MEI4: variants seen among roughly 807,000 people sequenced by gnomAD.
The protein encoded by MEI4 is meiosis-specific protein MEI4.
A neutral mutation model predicts 31.4 loss-of-function variants in MEI4; 27 were observed. The ratio of observed to expected loss-of-function variants is 0.86; its 90% CI spans 0.63 to 1.19. MEI4 has a LOEUF of 1.19. Among genes scored for constraint, MEI4 ranks in the 50% most tolerant of loss-of-function variants. MEI4 has a pLI of 0.00. For missense variants in MEI4, 329 were observed against 398.9 expected, an observed-to-expected ratio of 0.82 and a Z score of 1.49; for synonymous variants, 122 against 145.4, an observed-to-expected ratio of 0.84 and a Z score of 1.16.
chr6:77,659,751 G>C (rs1364562602), intron 1 of MEI4, among the ~76,000 whole-genome samples: 2 of 152,050 alleles, frequency 1.3e-5, no homozygotes, highest in Non-Finnish European at 2.9e-5. Flanking sequence ...CTGTAATATG[G>C]AGCTGGAAGG....
At chr6:77,908,813 A>G (rs1014604426) in intron 4 of MEI4, among the ~76,000 whole-genome samples, 1 of 152,122 alleles carries the variant, frequency 6.6e-6, no homozygotes, top group Non-Finnish European at 1.5e-5. Flanking sequence ...TCCTAAATAT[A>G]TATGTACCCA....
chr6:77,705,447 T>G (rs1766311441), intron 2 of MEI4, among the ~76,000 whole-genome samples: 1 of 152,226 alleles, frequency 6.6e-6, no homozygotes, highest in African/African-American at 2.4e-5. Flanking sequence ...ATCACACATG[T>G]GGAACTATAA....
intron 4 of MEI4, among the ~76,000 whole-genome samples, chr6:77,903,058 G>C (rs1336513082): frequency 5.9e-5 from 9 of 151,878 alleles, no homozygotes; most frequent in Non-Finnish European, 8.8e-5. Flanking sequence ...GAGTCTTCAG[G>C]GTTTTCTATA....
chr6:77,712,915 G>C (rs913036195), intron 2 of MEI4, among the ~76,000 whole-genome samples: 6 of 151,436 alleles, frequency 4.0e-5, no homozygotes, highest in Non-Finnish European at 7.4e-5. Context: ...AGCTTGCAGT[G>C]AGCCGAGATA....
intron 3 of MEI4, among the ~76,000 whole-genome samples, chr6:77,790,954 G>C (rs1387526864): frequency 1.3e-5 from 2 of 152,138 alleles, no homozygotes; most frequent in African/African-American, 4.8e-5. Flanking sequence ...CTGGCCATCA[G>C]AGAAATGCAA....
At chr6:77,791,700 C>T (rs1768941326) in intron 3 of MEI4, among the ~76,000 whole-genome samples, 1 of 151,012 alleles carries the variant, frequency 6.6e-6, no homozygotes, top group Admixed American at 6.6e-5. Context: ...AAAGAAATAT[C>T]TGTACATTGT....
intron 2 of MEI4, among the ~76,000 whole-genome samples, chr6:77,707,524 G>C (rs1216569537): frequency 6.6e-6 from 1 of 152,180 alleles, no homozygotes; most frequent in East Asian, 1.9e-4. Flanking sequence ...TTCATGGGAG[G>C]AATTCAAGTG....
At chr6:77,910,754 A>G (rs1562035266) in intron 4 of MEI4, among the ~76,000 whole-genome samples, 1 of 152,122 alleles carries the variant, frequency 6.6e-6, no homozygotes, top group Admixed American at 6.6e-5. Flanking sequence ...CTTTTGAGAT[A>G]CTGATTTAAT....
At chr6:77,739,251 T>A (rs1383964409) in intron 2 of MEI4, among the ~76,000 whole-genome samples, 2 of 152,150 alleles carry the variant, frequency 1.3e-5, no homozygotes, top group Admixed American at 1.3e-4. Context: ...CTTGAGTTAA[T>A]TTTTTGTGTT....
rs902436496 is a variant in MEI4 at position 77,925,157 on chromosome 6, A to G, written c.*1811A>G. ...TTCCCTATTGCAGCCAGCCAACGTA[A>G]TGATCAGCTAAGAGACTTTTGGAGC... On this transcript the variant is annotated 3_prime_UTR_variant, in exon 5 of 5. Transcript: ENST00000684080. The G allele has an allele frequency of 6.6e-6, 1 of 151,880 alleles. No individual in the cohort carries two copies. The highest frequency in any genetic ancestry group is 2.4e-5 in the African/African-American group (1 of 41,402). 9.4% of individuals were successfully genotyped at this position (151,880 alleles called of 1,614,324 possible).
At chr6:77,838,140 G>T (rs907938591) in intron 4 of MEI4, among the ~76,000 whole-genome samples, 1 of 152,078 alleles carries the variant, frequency 6.6e-6, no homozygotes, top group Admixed American at 6.6e-5. Flanking sequence ...TTATAAAAAT[G>T]AATGTTGTTA....
chr6:77,692,189 C>A, intron 2 of MEI4, among the ~76,000 whole-genome samples: 1 of 152,018 alleles, frequency 6.6e-6, no homozygotes, highest in East Asian at 1.9e-4. Flanking sequence ...AGGCTGGTTT[C>A]TTCTCTTCCT....
At chr6:77,726,913 C>T (rs1432277398) in intron 2 of MEI4, among the ~76,000 whole-genome samples, 1 of 151,430 alleles carries the variant, frequency 6.6e-6, no homozygotes, top group African/African-American at 2.4e-5. Context: ...GAAATTGGTG[C>T]TTTAAATAAA....
chr6:77,656,868 A>T lies in MEI4; in HGVS notation c.-15+3776A>T, dbSNP rs527671995. Among the ~76,000 whole-genome samples, 184 of 152,334 alleles carry T rather than the reference A, an allele frequency of 1.2e-3. 1 individual carries two copies. Among genetic ancestry groups the T allele is most frequent in the Non-Finnish European group, 2.4e-3 (160 of 68,022 alleles). ...ATGATTACTAGATAGTATTTAAACCATGTAACAAATAGATTTTAAAAATTA... is the reference window on the plus strand; with the variant it reads ...ATGATTACTAGATAGTATTTAAACCTTGTAACAAATAGATTTTAAAAATTA... On this transcript the variant is annotated intron_variant, in intron 1 of 4. Coordinates refer to ENST00000684080, the MANE Select transcript of MEI4 (RefSeq NM_001322247.2).
rs114301396 is a variant in MEI4 at position 77,828,343 on chromosome 6, G to A, written c.769-588G>A. On this transcript the variant is annotated intron_variant, in intron 3 of 4. Transcript: ENST00000684080. ...CAGGGGAGCTAGCATTACCTCCTGA[G>A]CTTCCCCTCCTGTCAGATCAGTTGT... Among the ~76,000 whole-genome samples the A allele has an allele frequency of 3.2e-3, 492 of 151,518 alleles. 2 individuals carry two copies. The highest frequency in any genetic ancestry group is 0.012 in the African/African-American group (481 of 41,230).
At chr6:77,735,981 G>A (rs59215259) in intron 2 of MEI4, among the ~76,000 whole-genome samples, 8,660 of 152,068 alleles carry the variant, frequency 0.057, 732 homozygotes, top group African/African-American at 0.17. Context: ...TGAGGAGGCA[G>A]TCTGCCCGTT....
chr6:77,853,929 A>G (rs1770690878), intron 4 of MEI4, among the ~76,000 whole-genome samples: 1 of 152,218 alleles, frequency 6.6e-6, no homozygotes, highest in Non-Finnish European at 1.5e-5. Context: ...ACAAAAAGTT[A>G]GTTCAACATA....
At chr6:77,697,010 G>A (rs552162659) in intron 2 of MEI4, among the ~76,000 whole-genome samples, 8 of 152,136 alleles carry the variant, frequency 5.3e-5, no homozygotes, top group Non-Finnish European at 7.4e-5. Flanking sequence ...TGTATGTGTC[G>A]AGGAATTTAT....
At position 77,915,510 on chromosome 6, in the gene MEI4, G is replaced by A. The variant is rs9448253; in HGVS notation, c.901-7579G>A. On this transcript the variant is annotated intron_variant, in intron 4 of 4. Transcript: ENST00000684080. The stretch of plus-strand genomic sequence containing the variant: ...TGCTTAGAAATCCACTGTTCATATG[G>A]TGAGTGTTCATTAAAAGTGACCATG... Among the ~76,000 whole-genome samples, 1,311 of 151,926 alleles carry A rather than the reference G, an allele frequency of 8.6e-3. 19 individuals are homozygous for A. Among genetic ancestry groups the A allele is most frequent in the African/African-American group, 0.03 (1,233 of 41,436 alleles).
Sources: gnomAD v4.1 joint callset for allele counts (sites outside exome capture counted in the v4.1 genomes callset) on GRCh38, gnomAD v4.1.1 for gene constraint, MANE v1.5 for transcripts, NCBI Gene and HGNC (gene_info 2026-07-23, HGNC 2026-07-21) for gene names.